NPAS3: variants seen among roughly 807,000 people sequenced by gnomAD.
NPAS3 encodes neuronal PAS domain-containing protein 3.
In NPAS3, 14 loss-of-function variants were observed where a neutral mutation model predicts 73.1. The observed-to-expected ratio is 0.19, with a 90% CI of 0.13 to 0.30. The LOEUF is 0.30. NPAS3 is among the 10% of genes least tolerant of loss of function. NPAS3 has a pLI of 1.00. For missense variants in NPAS3, 1,096 were observed against 1,250.0 expected, an observed-to-expected ratio of 0.88 and a Z score of 1.86; for synonymous variants, 620 against 541.5, an observed-to-expected ratio of 1.14 and a Z score of -2.01.
chr14:33,196,998 C>T (rs1226149518), intron 2 of NPAS3, among the ~76,000 whole-genome samples: 3 of 152,062 alleles, frequency 2.0e-5, no homozygotes, highest in Non-Finnish European at 1.5e-5. Context: ...TGCATCATGA[C>T]TGATTTAAAA....
At chr14:33,498,816 C>T (rs561780043) in intron 4 of NPAS3, among the ~76,000 whole-genome samples, 65 of 151,838 alleles carry the variant, frequency 4.3e-4, no homozygotes, top group African/African-American at 1.4e-3. Flanking sequence ...CACACGTATC[C>T]CAGAACTTAA....
At chr14:33,584,747 G>A (rs2056801939) in intron 5 of NPAS3, among the ~76,000 whole-genome samples, 1 of 152,162 alleles carries the variant, frequency 6.6e-6, no homozygotes. Context: ...CATTTTTTTA[G>A]TACCTCCCAT....
At position 33,565,986 on chromosome 14, in the gene NPAS3, A is replaced by T. The variant is rs147338404; in HGVS notation, c.558+5776A>T. On this transcript the variant is annotated intron_variant, in intron 5 of 11. Coordinates refer to ENST00000356141, the Ensembl canonical transcript of NPAS3. Reference sequence around the variant, plus strand: ...GCAAGTCTACATTTGTCTCCTGTACACTAATCATGAAAAGTTCATCACTTC... The same window carrying T: ...GCAAGTCTACATTTGTCTCCTGTACTCTAATCATGAAAAGTTCATCACTTC... 8.1e-4 allele frequency among the ~76,000 whole-genome samples: 124 copies of T among 152,192 alleles called. 2 individuals are homozygous for T. In the East Asian group the frequency reaches 0.022, roughly 27 times the overall value.
At chr14:33,606,858 T>A (rs2057585064) in intron 5 of NPAS3, among the ~76,000 whole-genome samples, 1 of 152,098 alleles carries the variant, frequency 6.6e-6, no homozygotes, top group Non-Finnish European at 1.5e-5. Flanking sequence ...GACTTTATCC[T>A]CAATACACAA....
At chr14:33,196,771 C>T (rs2046371165) in intron 2 of NPAS3, among the ~76,000 whole-genome samples, 1 of 152,172 alleles carries the variant, frequency 6.6e-6, no homozygotes, top group Non-Finnish European at 1.5e-5. Context: ...ATTTAGCACA[C>T]AGTAACATAT....
intron 2 of NPAS3, among the ~76,000 whole-genome samples, chr14:33,077,774 G>GT (rs3057435): frequency 0.15 from 12,992 of 87,924 alleles, 1,640 homozygotes; most frequent in African/African-American, 0.3. Context: ...TGCAGTAAGG[G>GT]TTTTTTTTTT....
intron 6 of NPAS3, among the ~76,000 whole-genome samples, chr14:33,717,808 A>G (rs1013166745): frequency 1.8e-4 from 28 of 152,142 alleles, no homozygotes; most frequent in Admixed American, 1.8e-3. Flanking sequence ...AAAGGTGCTT[A>G]TCTCAAAGAG....
At chr14:33,445,127 T>C (rs937501631) in intron 4 of NPAS3, among the ~76,000 whole-genome samples, 2 of 152,244 alleles carry the variant, frequency 1.3e-5, no homozygotes, top group African/African-American at 4.8e-5. Context: ...TGGTTAATTG[T>C]ATTTATTTTG....
chr14:33,445,935 T>TC (rs61235416), intron 4 of NPAS3, among the ~76,000 whole-genome samples: 19,478 of 150,552 alleles, frequency 0.13, 1,565 homozygotes, highest in African/African-American at 0.23. Context: ...TGTTGCACTT[T>TC]TTTTTTTTTT....
At chr14:33,019,407 C>T (rs954905463) in intron 1 of NPAS3, among the ~76,000 whole-genome samples, 5 of 152,132 alleles carry the variant, frequency 3.3e-5, no homozygotes, top group African/African-American at 9.7e-5. Context: ...TTTACCCGCT[C>T]ATTTGTATTT....
In NPAS3 at chr14:33,124,138, G is replaced by A. The variant is rs146730157; in HGVS notation, c.140+68144G>A. On this transcript the variant is annotated intron_variant, in intron 2 of 11. Coordinates refer to ENST00000356141, the Ensembl canonical transcript of NPAS3. Reference sequence around the variant, plus strand: ...CAAAGTGCTAAGATTACAGGTGTGAGCCACTGTGCCCAGCCTCTATGAAGT... The same window carrying A: ...CAAAGTGCTAAGATTACAGGTGTGAACCACTGTGCCCAGCCTCTATGAAGT... Among the ~76,000 whole-genome samples the A allele has an allele frequency of 1.6e-3, 250 of 152,164 alleles. 3 individuals are homozygous for A. The highest frequency in any genetic ancestry group is 9.7e-3 in the South Asian group (47 of 4,824).
At chr14:33,566,316 C>G (rs992818267) in intron 5 of NPAS3, among the ~76,000 whole-genome samples, 4 of 152,000 alleles carry the variant, frequency 2.6e-5, no homozygotes, top group Non-Finnish European at 5.9e-5. Flanking sequence ...CACGGGTGAC[C>G]TTATCGTTCT....
chr14:33,558,911 T>C (rs939381273), intron 4 of NPAS3, among the ~76,000 whole-genome samples: 1 of 151,826 alleles, frequency 6.6e-6, no homozygotes, highest in Non-Finnish European at 1.5e-5. Flanking sequence ...GCAGCATTTG[T>C]GCAACTTACC....
At chr14:33,512,420 A>C (rs1258114360) in intron 4 of NPAS3, among the ~76,000 whole-genome samples, 2 of 152,054 alleles carry the variant, frequency 1.3e-5, no homozygotes, top group African/African-American at 4.8e-5. Context: ...TGAAACAAGA[A>C]GAAGCTGACA....
At position 33,400,017 on chromosome 14, in the gene NPAS3, A is replaced by G. The variant is rs139698317; in HGVS notation, c.468+32749A>G. Among the ~76,000 whole-genome samples, 203 of 152,238 alleles carry G rather than the reference A, an allele frequency of 1.3e-3. 1 individual carries two copies. In the South Asian group the frequency reaches 0.026, roughly 20 times the overall value. ...TTATCTCACTAGCTGCTATTATAAT[A>G]ATTTTTTTACCCAAAACAATAGCTT... On this transcript the variant is annotated intron_variant, in intron 4 of 11. Transcript: ENST00000356141.
At chr14:33,232,156 G>T (rs1958021) in intron 3 of NPAS3, among the ~76,000 whole-genome samples, 151,091 of 152,252 alleles carry the variant, frequency 0.99, 75,029 homozygotes, top group Middle Eastern at 1. Context: ...GATGTCAGTA[G>T]TATTGTTTTT....
At chr14:33,460,601 A>T (rs2050217120) in intron 4 of NPAS3, among the ~76,000 whole-genome samples, 1 of 152,174 alleles carries the variant, frequency 6.6e-6, no homozygotes, top group South Asian at 2.1e-4. Flanking sequence ...TGATGATTTT[A>T]TTGAATAATC....
At chr14:33,399,871 A>T (rs1457783747) in intron 4 of NPAS3, among the ~76,000 whole-genome samples, 5 of 152,064 alleles carry the variant, frequency 3.3e-5, no homozygotes, top group Admixed American at 3.3e-4. Flanking sequence ...TACCAGACTC[A>T]ACTGTTAATT....
At chr14:33,288,093 AT>A (rs2041951401) in intron 3 of NPAS3, among the ~76,000 whole-genome samples, 1 of 152,166 alleles carries the variant, frequency 6.6e-6, no homozygotes, top group South Asian at 2.1e-4. Context: ...TTTCTATGAA[AT>A]GGATGTTAGT....
Sources: allele counts gnomAD v4.1 joint callset (sites outside exome capture counted in the v4.1 genomes callset), GRCh38; gene constraint gnomAD v4.1.1; transcripts MANE v1.5; gene names NCBI Gene and HGNC (gene_info 2026-07-23, HGNC 2026-07-21).